PISD: variants seen among roughly 807,000 people sequenced by gnomAD.
The protein encoded by PISD is phosphatidylserine decarboxylase, also known as phosphatidylserine decarboxylase proenzyme, mitochondrial.
A neutral mutation model predicts 43.5 loss-of-function variants in PISD; 31 were observed. The observed-to-expected ratio is 0.71, with a 90% CI of 0.54 to 0.96. The LOEUF is 0.96. PISD is among the 40% of genes least tolerant of loss of function. The pLI is 0.00. For synonymous variants in PISD, 259 were observed against 228.7 expected, an observed-to-expected ratio of 1.13 and a Z score of -1.20; for missense variants, 523 against 548.4, an observed-to-expected ratio of 0.95 and a Z score of 0.46.
rs1299819079 is a variant in PISD at position 31,630,947 on chromosome 22, A to G, written c.322-9062T>C. ...CAGGAGGCCGACCCCAGCCACCCTT[A>G]AAGCTGCCGCCCCCTCTGAGCCCCA... On this transcript the variant is annotated intron_variant, in intron 3 of 7. Coordinates refer to ENST00000439502, the MANE Select transcript of PISD (RefSeq NM_001326411.2). This position sits in a 1 kb window ranked among gnomAD's most constrained non-coding sequence, Gnocchi z 4.4. The G allele has an allele frequency of 1.2e-6, 1 of 800,222 alleles. No individual in the cohort carries two copies. The highest frequency in any genetic ancestry group is 1.3e-4 in the East Asian group (1 of 7,976). 49.6% of individuals were successfully genotyped at this position (800,222 alleles called of 1,614,324 possible).
chr22:31,640,880 G>GTTTTTTTTTTTTTTTTTT, intron 3 of PISD, among the ~76,000 whole-genome samples: 307 of 24,588 alleles, frequency 0.012, 117 homozygotes, highest in Admixed American at 0.019. Flanking sequence ...CACACCCGGT[G>GTTTTTTTTTTTTTTTTTT]TTTTTTTTTT....
chr22:31,620,940 G>C (rs1159829282), intron 6 of PISD, 56 bp downstream of exon 6: 1 of 1,543,308 alleles, frequency 6.5e-7, no homozygotes, highest in Non-Finnish European at 8.7e-7. Flanking sequence ...AAGAAGCTGA[G>C]AGCCTCTATA....
chr22:31,620,873 A>G (rs1453354030), intron 6 of PISD, 123 bp downstream of exon 6: 2 of 1,382,580 alleles, frequency 1.4e-6, no homozygotes, highest in Non-Finnish European at 2.0e-6. Flanking sequence ...CAGCCTGCAT[A>G]AAGCAGTCAA....
At chr22:31,662,015 G>T in intron 1 of PISD, 129 bp downstream of exon 1, 1 of 790,308 alleles carries the variant, frequency 1.3e-6, no homozygotes, top group Non-Finnish European at 2.1e-6. Flanking sequence ...TAAGCTCGAG[G>T]TGAAGGTGGC....
intron 1 of PISD, among the ~76,000 whole-genome samples, chr22:31,652,567 G>A (rs1034194314): frequency 6.6e-6 from 1 of 151,776 alleles, no homozygotes; most frequent in Non-Finnish European, 1.5e-5. Flanking sequence ...AGCACTTTGG[G>A]AGGCCGAGGT....
intron 3 of PISD, chr22:31,623,866 C>T (rs1412468318): frequency 6.2e-7 from 1 of 1,606,860 alleles, no homozygotes; most frequent in African/African-American, 1.3e-5. Flanking sequence ...GGCACAGGTC[C>T]ATGCACAGCC....
At chr22:31,634,045 G>T (rs1283420032) in intron 3 of PISD, among the ~76,000 whole-genome samples, 1 of 152,198 alleles carries the variant, frequency 6.6e-6, no homozygotes, top group East Asian at 1.9e-4. Context: ...ACCTGCAGAT[G>T]GAGGCCTCCC....
At chr22:31,628,957 C>T in intron 3 of PISD, 1 of 985,390 alleles carries the variant, frequency 1.0e-6, no homozygotes, top group Non-Finnish European at 1.2e-6. Context: ...AAACAGGAAC[C>T]CAAACTTGCG....
chr22:31,635,012 C>CA (rs2073379892), intron 3 of PISD, among the ~76,000 whole-genome samples: 1 of 150,576 alleles, frequency 6.6e-6, no homozygotes, highest in African/African-American at 2.4e-5. Context: ...ACTAAAAATA[C>CA]AAAATTACTC....
At chr22:31,653,807 A>G (rs2074098031) in intron 1 of PISD, among the ~76,000 whole-genome samples, 1 of 152,166 alleles carries the variant, frequency 6.6e-6, no homozygotes, top group Non-Finnish European at 1.5e-5. Flanking sequence ...ACATGGTGAA[A>G]CCCCATTTCC....
At chr22:31,638,669 T>C (rs902308209) in intron 3 of PISD, 205 of 978,666 alleles carry the variant, frequency 2.1e-4, no homozygotes, top group Non-Finnish European at 2.4e-4. Flanking sequence ...TTTTTCTTTG[T>C]AGAGGCATGG....
chr22:31,623,618 CCTG>C, intron 3 of PISD: 2 of 1,483,026 alleles, frequency 1.3e-6, no homozygotes, highest in Non-Finnish European at 1.8e-6. Flanking sequence ...CTCAGTCTCT[CCTG>C]CACCCCAACC....
intron 3 of PISD, among the ~76,000 whole-genome samples, chr22:31,623,424 C>T (rs750104119): frequency 6.6e-6 from 1 of 152,222 alleles, no homozygotes; most frequent in Non-Finnish European, 1.5e-5. Flanking sequence ...AGAACCAGAG[C>T]CCCAAATGGC....
intron 3 of PISD, among the ~76,000 whole-genome samples, chr22:31,635,398 G>C (rs1475597820): frequency 6.6e-6 from 1 of 151,774 alleles, no homozygotes; most frequent in Non-Finnish European, 1.5e-5. Context: ...TGCCTCCCGG[G>C]TTCAAGCAAT....
At chr22:31,620,479 C>T (rs2072487393) in intron 7 of PISD, 74 bp downstream of exon 7, 4 of 1,473,260 alleles carry the variant, frequency 2.7e-6, no homozygotes, top group Non-Finnish European at 3.8e-6. Flanking sequence ...AACGCATCCG[C>T]CGCACAGCAG....
At chr22:31,626,156 G>A (rs1180533138) in intron 3 of PISD, 16 of 726,356 alleles carry the variant, frequency 2.2e-5, no homozygotes, top group South Asian at 9.9e-5. Context: ...ACCCAGGGCT[G>A]AGCCAGCCTG....
intron 1 of PISD, among the ~76,000 whole-genome samples, chr22:31,657,039 G>A (rs1432353114): frequency 6.6e-6 from 1 of 152,134 alleles, no homozygotes; most frequent in Non-Finnish European, 1.5e-5. Flanking sequence ...TTTGATACAG[G>A]CACGCAATAT....
At chr22:31,637,143 TAAAA>T (rs1170100945) in intron 3 of PISD, among the ~76,000 whole-genome samples, 333 of 31,480 alleles carry the variant, frequency 0.011, 5 homozygotes, top group Middle Eastern at 0.022. Context: ...ATAAATAAAT[TAAAA>T]AAAAAAAAAA....
rs144911389 is a variant in PISD, at chr22:31,639,458, G to A, written c.321+8643C>T. Among the ~76,000 whole-genome samples, 863 of 152,196 alleles carry A rather than the reference G, an allele frequency of 5.7e-3. 6 individuals are homozygous for A. The highest frequency in any genetic ancestry group is 0.018 in the African/African-American group (764 of 41,532). On this transcript the variant is annotated intron_variant, in intron 3 of 7. Coordinates refer to ENST00000439502, the MANE Select transcript of PISD (RefSeq NM_001326411.2). The stretch of plus-strand genomic sequence containing the variant: ...TGCCAGGCTGGTCATGAACTCCTGG[G>A]CTCAAGCAATCTTCCCACCTCAGCC...
Sources: allele counts gnomAD v4.1 joint callset (sites outside exome capture counted in the v4.1 genomes callset), GRCh38; gene constraint gnomAD v4.1.1; non-coding constraint Gnocchi (gnomAD v3.1); transcripts MANE v1.5; gene names NCBI Gene and HGNC (gene_info 2026-07-23, HGNC 2026-07-21).